Variants in DDAH1 observed in about 807,000 individuals in gnomAD.
The protein encoded by DDAH1 is N(G),N(G)-dimethylarginine dimethylaminohydrolase 1.
In DDAH1, 19 loss-of-function variants were observed where a neutral mutation model predicts 28.8. That is an observed-to-expected ratio of 0.66 (90% confidence interval 0.46 to 0.97). DDAH1 has a LOEUF of 0.97. Ranked by LOEUF, DDAH1 falls within the 50% of genes least tolerant of loss-of-function variation. The pLI, the probability that DDAH1 is intolerant of heterozygous loss-of-function variation, is 0.00. For missense variants in DDAH1, 326 were observed against 375.9 expected, an observed-to-expected ratio of 0.87 and a Z score of 1.10; for synonymous variants, 153 against 154.4, an observed-to-expected ratio of 0.99 and a Z score of 0.07.
At chr1:85,428,960 C>G (rs1201210098) in intron 1 of DDAH1, among the ~76,000 whole-genome samples, 1 of 151,972 alleles carries the variant, frequency 6.6e-6, no homozygotes, top group Non-Finnish European at 1.5e-5. Flanking sequence ...GAGCTATAGA[C>G]TGGAAGGCTA....
chr1:85,323,968 C>CAAA lies in DDAH1; in HGVS notation c.741+769_741+771dup, dbSNP rs11446322. On this transcript the variant is annotated intron_variant, in intron 5 of 5. Transcript: ENST00000284031. ...TTGGCAACAGAGCAAGATCCTGTCT[C>CAAA]AAAAAAAAAAAAAAAAAAGGACTGG... Among the ~76,000 whole-genome samples the CAAA allele has an allele frequency of 2.2e-4, 22 of 99,942 alleles. 1 individual carries two copies. Among genetic ancestry groups the CAAA allele is most frequent in the African/African-American group, 7.2e-4 (19 of 26,334 alleles). The allele number at this position is 99,942 out of a possible 152,430, so 65.6% of individuals were successfully genotyped here. A position where few individuals can be genotyped will look rare whatever the true frequency, so the allele number is the denominator to read the frequency against.
chr1:85,456,690 T>C lies in DDAH1; in HGVS notation c.303+8053A>G, dbSNP rs1570568247. ...AATTTATGATATTGCCAACTTAAGA[T>C]ACGTTTATCCGGATGTAATTCCATT... On this transcript the variant is annotated intron_variant, in intron 1 of 5. Transcript: ENST00000284031. Among the ~76,000 whole-genome samples, 4 of 152,368 alleles carry C rather than the reference T, an allele frequency of 2.6e-5. 1 individual carries two copies. The highest frequency in any genetic ancestry group is 2.6e-4 in the Admixed American group (4 of 15,308).
rs35758461 is a variant in DDAH1, at chr1:85,350,532, G to A, written c.480C>T (p.Asp160=). 14,504 of 1,612,624 alleles carry A rather than the reference G, an allele frequency of 9.0e-3. 82 individuals carry two copies. Among genetic ancestry groups the A allele is most frequent in the Middle Eastern group, 0.01 (61 of 6,048 alleles). Residue 160 remains aspartate (D), a splice_region_variant and synonymous_variant, in exon 4 of 6, where the codon GAC becomes GAT. Coordinates refer to ENST00000284031, the MANE Select transcript of DDAH1 (RefSeq NM_012137.4). ...GAEILADTFK[D]YAVSTVPVAD... ...CCACTGGCACTGTGGAGACTGCATAGTCCTACGTGGACAATAGAAAAACAA... is the reference window on the plus strand; with the variant it reads ...CCACTGGCACTGTGGAGACTGCATAATCCTACGTGGACAATAGAAAAACAA...
rs1170085756 is a variant in DDAH1 at position 85,321,351 on chromosome 1, A to C, written c.*101T>G. On this transcript the variant is annotated 3_prime_UTR_variant, in exon 6 of 6. Coordinates refer to ENST00000284031, the MANE Select transcript of DDAH1 (RefSeq NM_012137.4). ...AATTTTGTAAACAAGAGTTAGTAGCACAGTGGCACAGTAGATTGTCAAGGA... is the reference window on the plus strand; with the variant it reads ...AATTTTGTAAACAAGAGTTAGTAGCCCAGTGGCACAGTAGATTGTCAAGGA... 2 of 760,276 alleles carry C rather than the reference A, an allele frequency of 2.6e-6. No homozygotes were observed. The highest frequency in any genetic ancestry group is 4.6e-6 in the Non-Finnish European group (2 of 436,096). 47.1% of individuals were successfully genotyped at this position (760,276 alleles called of 1,614,324 possible).
rs550884823 is a variant in DDAH1, at chr1:85,486,106, G to A, written c.-7+10060C>T. 3.3e-5 allele frequency among the ~76,000 whole-genome samples: 5 copies of A among 152,292 alleles called. No individual in the cohort carries two copies. In the South Asian group the frequency reaches 1.0e-3, roughly 32 times the overall value. ...CTCTTGCTCTCTTGCAAGCAAATGC[G>A]TATCTGAGGTTTGAGCTGAAAACTC... is the stretch of plus-strand genomic sequence containing the variant. On this transcript the variant is annotated intron_variant, in intron 2 of 6. Coordinates refer to the DDAH1 transcript ENST00000426972.
intron 2 of DDAH1, among the ~76,000 whole-genome samples, chr1:85,474,453 T>C (rs1180231764): frequency 6.6e-6 from 1 of 152,132 alleles, no homozygotes; most frequent in Non-Finnish European, 1.5e-5. Context: ...TCTCTCTTAC[T>C]TGGGCTTCTG....
At chr1:85,517,817 A>T (rs563078903) in intron 1 of DDAH1, among the ~76,000 whole-genome samples, 2 of 152,258 alleles carry the variant, frequency 1.3e-5, no homozygotes, top group African/African-American at 4.8e-5. Flanking sequence ...GTGCCATTAC[A>T]TCCTGATGAG....
intron 1 of DDAH1, among the ~76,000 whole-genome samples, chr1:85,463,235 G>C (rs1238862117): frequency 6.6e-6 from 1 of 152,194 alleles, no homozygotes; most frequent in Non-Finnish European, 1.5e-5. Flanking sequence ...TGCTCACTTA[G>C]GTATCAGGGA....
intron 1 of DDAH1, among the ~76,000 whole-genome samples, chr1:85,515,668 G>A (rs1342465309): frequency 1.3e-5 from 2 of 152,022 alleles, no homozygotes; most frequent in Non-Finnish European, 2.9e-5. Flanking sequence ...TTGTACTCCA[G>A]TATGTGGATG....
At chr1:85,452,144 A>C in intron 1 of DDAH1, among the ~76,000 whole-genome samples, 1 of 152,218 alleles carries the variant, frequency 6.6e-6, no homozygotes, top group East Asian at 1.9e-4. Flanking sequence ...GCAATGAAAA[A>C]CCCAGTGCCC....
intron 1 of DDAH1, among the ~76,000 whole-genome samples, chr1:85,519,323 C>T (rs1158870645): frequency 1.3e-5 from 2 of 152,074 alleles, no homozygotes; most frequent in East Asian, 1.9e-4. Context: ...GTCTCGATAT[C>T]CTGACCTCGT....
At chr1:85,370,413 G>T (rs910961237) in intron 1 of DDAH1, among the ~76,000 whole-genome samples, 9 of 152,220 alleles carry the variant, frequency 5.9e-5, no homozygotes, top group African/African-American at 2.2e-4. Flanking sequence ...GCCAGATGGG[G>T]TTAGCTGAAC....
chr1:85,414,556 G>C (rs762114760), intron 1 of DDAH1, among the ~76,000 whole-genome samples: 6 of 152,090 alleles, frequency 3.9e-5, no homozygotes, highest in Admixed American at 6.6e-5. Flanking sequence ...AACATATAAA[G>C]AATTCCTCTG....
At chr1:85,569,591 C>A (rs1659394080) in intron 1 of DDAH1, among the ~76,000 whole-genome samples, 1 of 152,214 alleles carries the variant, frequency 6.6e-6, no homozygotes, top group South Asian at 2.1e-4. Flanking sequence ...TTGTTTCCAA[C>A]CCCATCTTCG....
chr1:85,497,682 T>C (rs990368339), intron 1 of DDAH1, among the ~76,000 whole-genome samples: 3 of 152,224 alleles, frequency 2.0e-5, no homozygotes, highest in Admixed American at 6.5e-5. Context: ...ATATTTATGG[T>C]ATGTTGAATG....
chr1:85,321,984 G>T (rs1661368616), intron 5 of DDAH1, among the ~76,000 whole-genome samples: 1 of 152,126 alleles, frequency 6.6e-6, no homozygotes, highest in African/African-American at 2.4e-5. Context: ...CGCGACCATG[G>T]CTCACTGCAG....
At chr1:85,426,030 A>G (rs187073569) in intron 1 of DDAH1, among the ~76,000 whole-genome samples, 8 of 152,298 alleles carry the variant, frequency 5.3e-5, no homozygotes, top group Non-Finnish European at 8.8e-5. Context: ...ACTAACAGGG[A>G]TAATTTCAGT....
At chr1:85,325,975 T>A (rs233124) in intron 4 of DDAH1, among the ~76,000 whole-genome samples, 1 of 152,080 alleles carries the variant, frequency 6.6e-6, no homozygotes, top group African/African-American at 2.4e-5. Flanking sequence ...ATGGTCCCAT[T>A]TACTTTTACT....
At chr1:85,404,875 ACTTT>A (rs548523173) in intron 1 of DDAH1, among the ~76,000 whole-genome samples, 6 of 152,160 alleles carry the variant, frequency 3.9e-5, no homozygotes, top group Non-Finnish European at 8.8e-5. Context: ...GTTCATGTGG[ACTTT>A]CTTTGAGGGA....
Sources: gnomAD v4.1 joint callset for allele counts (sites outside exome capture counted in the v4.1 genomes callset) on GRCh38, gnomAD v4.1.1 for gene constraint, MANE v1.5 for transcripts, NCBI Gene and HGNC (gene_info 2026-07-23, HGNC 2026-07-21) for gene names.